The following EML6 variants were observed in gnomAD, a reference collection of about 807,000 sequenced individuals.
The protein encoded by EML6 is EMAP like 6.
Under a neutral mutation model 240.1 loss-of-function variants are expected in EML6, and 154 were observed. That is an observed-to-expected ratio of 0.64 (90% CI 0.56 to 0.73). The LOEUF (loss-of-function observed/expected upper bound fraction) is 0.73. Among genes scored for constraint, EML6 ranks in the 30% least tolerant of loss-of-function variants. EML6 has a pLI of 0.00. For missense variants in EML6, 2,964 were observed against 2,474.6 expected (o/e 1.20, Z -4.20); for synonymous variants, 1,148 against 899.0 (o/e 1.28, Z -4.95).
chr2:54,819,611 A>C (rs111901798), intron 4 of EML6, among the ~76,000 whole-genome samples: 3,905 of 152,128 alleles, frequency 0.026, 169 homozygotes, highest in African/African-American at 0.089. Context: ...CCCCGTCTCT[A>C]CTAAAAATAG....
At chr2:54,882,090 G>A (rs1264732043) in intron 17 of EML6, 1 of 152,174 alleles carries the variant, frequency 6.6e-6, no homozygotes. Context: ...CTCTTTAGCA[G>A]CTCACAGAAA....
intron 11 of EML6, among the ~76,000 whole-genome samples, chr2:54,855,429 A>G (rs1573009455): frequency 6.7e-6 from 1 of 149,640 alleles, no homozygotes; most frequent in Admixed American, 6.7e-5. Context: ...TGAGAAATTC[A>G]CCCCCATAAT....
chr2:54,769,367 T>C (rs2103796715), intron 2 of EML6, among the ~76,000 whole-genome samples: 1 of 152,334 alleles, frequency 6.6e-6, no homozygotes, highest in African/African-American at 2.4e-5. Context: ...TTTAATACCA[T>C]GCACCTGATC....
In EML6 at chr2:54,816,923, A is replaced by C. The variant is rs1478256561; in HGVS notation, c.456+38A>C. The C allele has an allele frequency of 2.4e-6, 3 of 1,265,702 alleles. No homozygotes were observed. In the African/African-American group the frequency reaches 4.4e-5, roughly 19 times the overall value. 78.4% of individuals were successfully genotyped at this position (1,265,702 alleles called of 1,614,324 possible). A position where few individuals can be genotyped will look rare whatever the true frequency, so the allele number is the denominator to read the frequency against. ...TGGATCAAGCTATGCAGATTTCAGA[A>C]CTTGGGGGGACTTGTGATATCGCGT... On this transcript the variant is annotated intron_variant, in intron 4 of 41. Transcript: ENST00000356458.
At chr2:54,880,286 T>C (rs960567421) in intron 17 of EML6, 1 of 152,256 alleles carries the variant, frequency 6.6e-6, no homozygotes, top group Admixed American at 6.6e-5. Flanking sequence ...GGGGTCAAAA[T>C]AGTTGGCAGC....
chr2:54,790,637 C>T (rs1348435720), intron 2 of EML6, among the ~76,000 whole-genome samples: 1 of 151,966 alleles, frequency 6.6e-6, no homozygotes, highest in East Asian at 1.9e-4. Flanking sequence ...ACGTACTTAT[C>T]ACCAGGCTTT....
chr2:54,951,425 C>A (rs1675970710), intron 30 of EML6, among the ~76,000 whole-genome samples: 1 of 151,932 alleles, frequency 6.6e-6, no homozygotes. Flanking sequence ...CCCAGCTACT[C>A]AGGAAGCTGA....
At chr2:54,831,729 G>C (rs182612666) in intron 7 of EML6, among the ~76,000 whole-genome samples, 1 of 152,280 alleles carries the variant, frequency 6.6e-6, no homozygotes, top group Non-Finnish European at 1.5e-5. Context: ...GGGAGAAACA[G>C]ATTGTGCTTT....
chr2:54,928,258 GC>G, intron 26 of EML6, 54 bp from the exon 27 acceptor site: 1 of 1,338,760 alleles, frequency 7.5e-7, no homozygotes, highest in Non-Finnish European at 1.0e-6. Context: ...GGATAAACGA[GC>G]CCAGAGAAAG....
intron 2 of EML6, among the ~76,000 whole-genome samples, chr2:54,777,690 C>G (rs1668662328): frequency 6.6e-6 from 1 of 152,078 alleles, no homozygotes; most frequent in African/African-American, 2.4e-5. Flanking sequence ...CCAGAGTGAC[C>G]AATCTGCCCT....
At chr2:54,920,427 C>G (rs751827905) in intron 26 of EML6, among the ~76,000 whole-genome samples, 1 of 152,062 alleles carries the variant, frequency 6.6e-6, no homozygotes, top group Non-Finnish European at 1.5e-5. Flanking sequence ...TGAAACATAT[C>G]TGGAAATACA....
At chr2:54,928,569 C>T (rs1573162652) in intron 27 of EML6, 55 bp downstream of exon 27, 1 of 1,551,352 alleles carries the variant, frequency 6.4e-7, no homozygotes, top group Non-Finnish European at 8.7e-7. Context: ...CCCAACACCT[C>T]CCTTCCTGGG....
chr2:54,884,480 C>T (rs1166521293), intron 17 of EML6, among the ~76,000 whole-genome samples: 2 of 152,158 alleles, frequency 1.3e-5, no homozygotes, highest in African/African-American at 4.8e-5. Flanking sequence ...AGGAATGGGG[C>T]TGCAAGTCCC....
At chr2:54,787,977 C>T (rs898469731) in intron 2 of EML6, among the ~76,000 whole-genome samples, 3 of 152,184 alleles carry the variant, frequency 2.0e-5, no homozygotes, top group Non-Finnish European at 2.9e-5. Flanking sequence ...TGTTCCTCAT[C>T]TCGCAGACCC....
intron 7 of EML6, among the ~76,000 whole-genome samples, chr2:54,836,838 C>G (rs1427353261): frequency 6.6e-6 from 1 of 152,170 alleles, no homozygotes; most frequent in South Asian, 2.1e-4. Flanking sequence ...TTATGAATCC[C>G]TGGGGAGATG....
chr2:54,790,426 C>T (rs1669370241), intron 2 of EML6, among the ~76,000 whole-genome samples: 1 of 152,160 alleles, frequency 6.6e-6, no homozygotes, highest in Non-Finnish European at 1.5e-5. Flanking sequence ...CTCTGAATTG[C>T]AGAGTAAGTT....
intron 17 of EML6, among the ~76,000 whole-genome samples, chr2:54,885,929 G>A (rs1458764450): frequency 6.6e-6 from 1 of 152,030 alleles, no homozygotes; most frequent in Non-Finnish European, 1.5e-5. Flanking sequence ...GATTTTCAAA[G>A]AGTCAGAGCC....
At chr2:54,847,213 A>T (rs550422817) in intron 8 of EML6, among the ~76,000 whole-genome samples, 1 of 150,542 alleles carries the variant, frequency 6.6e-6, no homozygotes, top group African/African-American at 2.4e-5. Flanking sequence ...CCAGCCTTAA[A>T]TTTTTTTTTT....
rs554416160 is a variant in EML6, at chr2:54,730,554, A to G, written c.197+5296A>G. Among the ~76,000 whole-genome samples, 10 of 152,306 alleles carry G rather than the reference A, an allele frequency of 6.6e-5. No individual in the cohort carries two copies. In the East Asian group the frequency reaches 1.9e-3, roughly 29 times the overall value. ...TCAACACTGAGAAATAGGTCTTCTC[A>G]TTTTACACTGAGAAATGGCTCTGCG... On this transcript the variant is annotated intron_variant, in intron 2 of 41. Coordinates refer to ENST00000356458, the MANE Select transcript of EML6 (RefSeq NM_001039753.4).
Sources: allele counts gnomAD v4.1 joint callset (sites outside exome capture counted in the v4.1 genomes callset), GRCh38; gene constraint gnomAD v4.1.1; transcripts MANE v1.5; gene names NCBI Gene and HGNC (gene_info 2026-07-23, HGNC 2026-07-21).